Variants in ENTHD1 observed in about 807,000 individuals in gnomAD.
The protein encoded by ENTHD1 is ENTH domain-containing protein 1.
Under a neutral mutation model 39.1 loss-of-function variants are expected in ENTHD1, and 23 were observed. That is an observed-to-expected ratio of 0.59 (90% CI 0.42 to 0.83). ENTHD1 has a LOEUF of 0.83. ENTHD1 is among the 40% of genes least tolerant of loss of function. ENTHD1 has a pLI of 0.00. For missense variants in ENTHD1, 624 were observed against 705.4 expected, an observed-to-expected ratio of 0.88 and a Z score of 1.31; for synonymous variants, 230 against 258.2, an observed-to-expected ratio of 0.89 and a Z score of 1.05.
intron 2 of ENTHD1, among the ~76,000 whole-genome samples, chr22:39,883,135 A>T (rs2066353519): frequency 6.6e-6 from 1 of 152,052 alleles, no homozygotes; most frequent in South Asian, 2.1e-4. Flanking sequence ...CAATGTTATC[A>T]ATCAATTGCT....
intron 3 of ENTHD1, among the ~76,000 whole-genome samples, chr22:39,853,496 A>C (rs532031862): frequency 1.3e-5 from 2 of 152,180 alleles, no homozygotes; most frequent in African/African-American, 4.8e-5. Context: ...GTGCCACTGC[A>C]CTCTAGCCTG....
At chr22:39,803,843 A>T (rs533610122) in intron 5 of ENTHD1, among the ~76,000 whole-genome samples, 26 of 152,326 alleles carry the variant, frequency 1.7e-4, no homozygotes, top group African/African-American at 5.8e-4. Context: ...ATATGGCTTT[A>T]TTGAATGGAA....
chr22:39,760,046 T>C (rs1202200585), intron 6 of ENTHD1, among the ~76,000 whole-genome samples: 2 of 152,066 alleles, frequency 1.3e-5, no homozygotes, highest in African/African-American at 4.8e-5. Context: ...GTGTTCTTTC[T>C]TGGTGAATGT....
intron 5 of ENTHD1, among the ~76,000 whole-genome samples, chr22:39,769,268 C>G (rs899567167): frequency 6.6e-6 from 1 of 152,036 alleles, no homozygotes; most frequent in Non-Finnish European, 1.5e-5. Context: ...TTGGATACCC[C>G]AAAAGGCAGA....
chr22:39,789,576 T>C (rs1255451195), intron 5 of ENTHD1, among the ~76,000 whole-genome samples: 2 of 152,210 alleles, frequency 1.3e-5, no homozygotes, highest in South Asian at 2.1e-4. Context: ...ATTCAAAATA[T>C]ATTTCTTAGG....
intron 2 of ENTHD1, among the ~76,000 whole-genome samples, chr22:39,883,336 T>C (rs1204019174): frequency 1.3e-5 from 2 of 152,176 alleles, no homozygotes; most frequent in Admixed American, 6.5e-5. Flanking sequence ...ATCTTTATGA[T>C]AGTCAATTTA....
chr22:39,808,822 T>C (rs1230340376), intron 5 of ENTHD1, among the ~76,000 whole-genome samples: 2 of 152,236 alleles, frequency 1.3e-5, no homozygotes, highest in African/African-American at 4.8e-5. Context: ...CTACTGCAAG[T>C]GTGGCTTTGT....
At chr22:39,809,016 G>A (rs191811342) in intron 5 of ENTHD1, among the ~76,000 whole-genome samples, 7 of 152,232 alleles carry the variant, frequency 4.6e-5, no homozygotes, top group African/African-American at 7.2e-5. Context: ...ATACCCTCTC[G>A]AATTTCTACA....
intron 5 of ENTHD1, among the ~76,000 whole-genome samples, chr22:39,766,296 A>T (rs1323032327): frequency 2.6e-5 from 4 of 152,220 alleles, no homozygotes; most frequent in African/African-American, 9.6e-5. Flanking sequence ...TACATAAAAT[A>T]GTCCCTAGAA....
At chr22:39,858,583 T>C (rs544542632) in intron 3 of ENTHD1, among the ~76,000 whole-genome samples, 4 of 152,358 alleles carry the variant, frequency 2.6e-5, no homozygotes, top group African/African-American at 4.8e-5. Context: ...CTATGGAAGA[T>C]ATAGCTTTAT....
At position 39,891,658 on chromosome 22, in the gene ENTHD1, A is replaced by G. The variant is rs1601676033; in HGVS notation, c.-156+2037T>C. 4.0e-5 allele frequency among the ~76,000 whole-genome samples: 6 copies of G among 150,488 alleles called. 2 individuals carry two copies. The highest frequency in any genetic ancestry group is 4.0e-4 in the Admixed American group (6 of 15,098). On this transcript the variant is annotated intron_variant, in intron 1 of 6. Transcript: ENST00000325157. ...TTTTGAGATAGGGTCTTGCTCTGTC[A>G]CCCAGGCTGGAGTGAAGTGGCACGA...
chr22:39,850,373 G>C (rs1264300284), intron 3 of ENTHD1, among the ~76,000 whole-genome samples: 1 of 152,040 alleles, frequency 6.6e-6, no homozygotes, highest in African/African-American at 2.4e-5. Context: ...AGCTACACCA[G>C]CCTTCTTTTA....
intron 3 of ENTHD1, among the ~76,000 whole-genome samples, chr22:39,844,422 C>A (rs1047096083): frequency 3.3e-5 from 5 of 152,008 alleles, no homozygotes; most frequent in Non-Finnish European, 7.4e-5. Flanking sequence ...ATTCACAAAC[C>A]AAGTTAGAAG....
intron 2 of ENTHD1, among the ~76,000 whole-genome samples, chr22:39,882,522 T>C (rs1203728629): frequency 1.3e-5 from 2 of 152,128 alleles, no homozygotes; most frequent in Non-Finnish European, 1.5e-5. Flanking sequence ...AGCAGAAAAG[T>C]AGATTGGAAA....
At chr22:39,753,130 C>T (rs1313822805) in intron 6 of ENTHD1, among the ~76,000 whole-genome samples, 1 of 152,186 alleles carries the variant, frequency 6.6e-6, no homozygotes, top group Non-Finnish European at 1.5e-5. Flanking sequence ...ATGCCTACCA[C>T]TATCCAATAT....
chr22:39,805,727 G>GT (rs2065635386), intron 5 of ENTHD1, among the ~76,000 whole-genome samples: 1 of 152,192 alleles, frequency 6.6e-6, no homozygotes, highest in African/African-American at 2.4e-5. Flanking sequence ...AATTGACTGA[G>GT]TTTAAGATGG....
chr22:39,769,644 G>A (rs1375625516), intron 5 of ENTHD1, among the ~76,000 whole-genome samples: 1 of 152,090 alleles, frequency 6.6e-6, no homozygotes, highest in Admixed American at 6.6e-5. Flanking sequence ...GGTCACCAAG[G>A]CTGCAGTAGT....
rs544068808 is a variant in ENTHD1, at chr22:39,787,413, C to T, written c.833-21804G>A. On this transcript the variant is annotated intron_variant, in intron 5 of 6. Coordinates refer to ENST00000325157, the MANE Select transcript of ENTHD1 (RefSeq NM_152512.4). ...AAATTAAAAGAGAAAAACAATTAAG[C>T]TTAGTGAGGAAGGCATATTGAAGGC... 7.0e-4 allele frequency among the ~76,000 whole-genome samples: 106 copies of T among 152,266 alleles called. 3 individuals are homozygous for T. The South Asian group carries it at 0.022, about 31-fold the overall frequency.
intron 5 of ENTHD1, among the ~76,000 whole-genome samples, chr22:39,789,519 A>T (rs1171250199): frequency 6.6e-6 from 1 of 152,154 alleles, no homozygotes; most frequent in Non-Finnish European, 1.5e-5. Flanking sequence ...TTTAACATTG[A>T]CTGATTCCTC....
Sources: allele counts gnomAD v4.1 joint callset (sites outside exome capture counted in the v4.1 genomes callset), GRCh38; gene constraint gnomAD v4.1.1; transcripts MANE v1.5; gene names NCBI Gene and HGNC (gene_info 2026-07-23, HGNC 2026-07-21).